COL13A1: variants seen among roughly 807,000 people sequenced by gnomAD.
COL13A1 encodes collagen type XIII alpha 1 chain, also known as collagen alpha-1(XIII) chain.
In COL13A1, 89 loss-of-function variants were observed where a neutral mutation model predicts 130.9. The observed-to-expected ratio is 0.68, with a 90% CI of 0.57 to 0.81. COL13A1 has a LOEUF of 0.81. Ranked by LOEUF, COL13A1 falls within the 30% of genes least tolerant of loss-of-function variation. COL13A1 has a pLI of 0.00. For missense variants in COL13A1, 879 were observed against 934.6 expected (o/e 0.94, Z 0.78); for synonymous variants, 402 against 341.6 (o/e 1.18, Z -1.95).
At chr10:69,841,009 G>A (rs981225958) in intron 2 of COL13A1, among the ~76,000 whole-genome samples, 2 of 151,888 alleles carry the variant, frequency 1.3e-5, no homozygotes, top group Admixed American at 6.6e-5. Context: ...CTGCAGTGGC[G>A]CCAGTGCCTT....
intron 12 of COL13A1, 93 bp from the exon 13 acceptor site, chr10:69,895,457 G>A: frequency 1.5e-6 from 2 of 1,355,438 alleles, no homozygotes; most frequent in Non-Finnish European, 2.1e-6. Flanking sequence ...GCGGTGACAT[G>A]TGTGGCATGT....
chr10:69,860,866 G>A (rs377095355), intron 2 of COL13A1, among the ~76,000 whole-genome samples: 35 of 152,322 alleles, frequency 2.3e-4, no homozygotes, highest in South Asian at 1.2e-3. Flanking sequence ...ATCTCCACGA[G>A]GGCTCCAGGC....
intron 2 of COL13A1, among the ~76,000 whole-genome samples, chr10:69,862,045 T>C (rs1281486714): frequency 6.6e-6 from 1 of 152,182 alleles, no homozygotes; most frequent in African/African-American, 2.4e-5. Context: ...CCATGGCCAA[T>C]TTCCAGCTGC....
At chr10:69,823,172 G>A (rs898831290) in intron 2 of COL13A1, among the ~76,000 whole-genome samples, 1 of 152,222 alleles carries the variant, frequency 6.6e-6, no homozygotes, top group Non-Finnish European at 1.5e-5. Flanking sequence ...CTAAGGACCT[G>A]CTGGGCACCA....
intron 3 of COL13A1, among the ~76,000 whole-genome samples, chr10:69,871,357 G>A (rs1221903412): frequency 2.0e-5 from 3 of 152,258 alleles, no homozygotes; most frequent in Middle Eastern, 6.8e-3. Context: ...GGACACATTC[G>A]TGAATGAAAC....
At chr10:69,807,402 G>A (rs1462313365) in intron 1 of COL13A1, among the ~76,000 whole-genome samples, 1 of 152,200 alleles carries the variant, frequency 6.6e-6, no homozygotes, top group African/African-American at 2.4e-5. Context: ...ACCCCAGGCA[G>A]ACTCCTTCAT....
intron 1 of COL13A1, among the ~76,000 whole-genome samples, chr10:69,814,533 G>T (rs1843931249): frequency 6.6e-6 from 1 of 152,230 alleles, no homozygotes; most frequent in Non-Finnish European, 1.5e-5. Context: ...CTCACATCTG[G>T]ATACCTCTGT....
chr10:69,813,999 C>A (rs1046617966), intron 1 of COL13A1, among the ~76,000 whole-genome samples: 1 of 152,202 alleles, frequency 6.6e-6, no homozygotes, highest in African/African-American at 2.4e-5. Context: ...GTAAGTAATT[C>A]GGTTGGAGTG....
chr10:69,924,836 A>G (rs974176514), intron 24 of COL13A1, 127 bp from the exon 25 acceptor site: 11 of 884,042 alleles, frequency 1.2e-5, no homozygotes, highest in African/African-American at 1.8e-5. Flanking sequence ...GAAGGGGTGG[A>G]ACCTGCACTT....
chr10:69,851,059 G>A (rs1224148759), intron 2 of COL13A1, among the ~76,000 whole-genome samples: 2 of 152,254 alleles, frequency 1.3e-5, no homozygotes, highest in Non-Finnish European at 2.9e-5. Context: ...ACATGGGCCA[G>A]GGGTCCTGAG....
At chr10:69,898,594 C>A (rs2061887159) in intron 13 of COL13A1, 103 bp from the exon 14 acceptor site, 1 of 851,604 alleles carries the variant, frequency 1.2e-6, no homozygotes, top group East Asian at 2.6e-5. Flanking sequence ...CTGCTCCGGT[C>A]CCTCTTGGTT....
At chr10:69,954,298 C>T (rs1434769533) in intron 39 of COL13A1, among the ~76,000 whole-genome samples, 1 of 152,222 alleles carries the variant, frequency 6.6e-6, no homozygotes, top group Non-Finnish European at 1.5e-5. Context: ...CCACTTGATG[C>T]CAGCCAGCTC....
chr10:69,818,520 A>G (rs1193095507), intron 1 of COL13A1, among the ~76,000 whole-genome samples: 1 of 152,260 alleles, frequency 6.6e-6, no homozygotes, highest in Non-Finnish European at 1.5e-5. Flanking sequence ...GCGAGTTATC[A>G]AAAGAGATTG....
chr10:69,934,788 T>G (rs17500242), intron 31 of COL13A1, among the ~76,000 whole-genome samples: 3,827 of 152,282 alleles, frequency 0.025, 65 homozygotes, highest in Non-Finnish European at 0.035. Context: ...GTAACAAACC[T>G]TGGGGACTTG....
intron 13 of COL13A1, chr10:69,897,450 C>T: frequency 1.2e-6 from 2 of 1,613,298 alleles, no homozygotes; most frequent in Non-Finnish European, 8.5e-7. Context: ...CCTGTCTCTG[C>T]CACCTCCATC....
At chr10:69,893,012 C>T (rs1367222185) in intron 10 of COL13A1, among the ~76,000 whole-genome samples, 1 of 152,126 alleles carries the variant, frequency 6.6e-6, no homozygotes, top group Non-Finnish European at 1.5e-5. Flanking sequence ...GGTCTGGGCC[C>T]GGGTTCCCTG....
chr10:69,841,320 T>C (rs1274621268), intron 2 of COL13A1, among the ~76,000 whole-genome samples: 2 of 152,122 alleles, frequency 1.3e-5, no homozygotes, highest in Non-Finnish European at 2.9e-5. Flanking sequence ...AAAGCTTCCT[T>C]AGAGCCAGCC....
At chr10:69,948,558 A>C (rs903922342) in intron 38 of COL13A1, among the ~76,000 whole-genome samples, 1 of 152,380 alleles carries the variant, frequency 6.6e-6, no homozygotes, top group Admixed American at 6.5e-5. Context: ...GACTTTCCTC[A>C]GTGTGGCATC....
intron 17 of COL13A1, among the ~76,000 whole-genome samples, chr10:69,908,791 G>A (rs569722356): frequency 6.6e-6 from 1 of 152,296 alleles, no homozygotes; most frequent in Admixed American, 6.5e-5. Context: ...CCAGGAAGCG[G>A]GAGATTTGCT....
Sources: gnomAD v4.1 joint callset for allele counts (sites outside exome capture counted in the v4.1 genomes callset) on GRCh38, gnomAD v4.1.1 for gene constraint, MANE v1.5 for transcripts, NCBI Gene and HGNC (gene_info 2026-07-23, HGNC 2026-07-21) for gene names.